WWOX: variants seen among roughly 807,000 people sequenced by gnomAD.
WWOX encodes WW domain-containing oxidoreductase.
WWOX carries 69 observed loss-of-function variants against 46.2 expected under a neutral mutation model. That is an observed-to-expected ratio of 1.49 (90% CI 1.23 to 1.82). The LOEUF (loss-of-function observed/expected upper bound fraction) is 1.82, where lower values mean the gene tolerates loss of function less well. Among genes scored for constraint, WWOX ranks in the 40% most tolerant of loss-of-function variants. The pLI is 0.00. For missense variants in WWOX, 919 were observed against 542.6 expected (o/e 1.69, Z -6.89); for synonymous variants, 359 against 202.6 (o/e 1.77, Z -6.56).
chr16:78,837,847 G>A (rs146523823), intron 8 of WWOX, among the ~76,000 whole-genome samples: 2,722 of 152,230 alleles, frequency 0.018, 47 homozygotes, highest in Non-Finnish European at 0.025. Flanking sequence ...GTCATCCTGT[G>A]TAGAAATATC....
At chr16:78,807,331 G>A (rs1177341016) in intron 8 of WWOX, among the ~76,000 whole-genome samples, 1 of 152,190 alleles carries the variant, frequency 6.6e-6, no homozygotes, top group Non-Finnish European at 1.5e-5. Context: ...AGATGCCAGT[G>A]ACACCCAGTG....
At chr16:78,461,525 A>G (rs1234651427) in intron 8 of WWOX, among the ~76,000 whole-genome samples, 3 of 152,252 alleles carry the variant, frequency 2.0e-5, no homozygotes, top group East Asian at 1.9e-4. Context: ...GGCAAGTCAA[A>G]CAGATCCTTT....
At chr16:79,060,382 G>T (rs901904853) in intron 8 of WWOX, among the ~76,000 whole-genome samples, 1 of 152,230 alleles carries the variant, frequency 6.6e-6, no homozygotes, top group African/African-American at 2.4e-5. Context: ...TAATTGGTAA[G>T]GTTCTTGAAA....
At chr16:78,933,788 G>A (rs12934215) in intron 8 of WWOX, among the ~76,000 whole-genome samples, 121,435 of 152,026 alleles carry the variant, frequency 0.8, 49,385 homozygotes, top group East Asian at 0.98. Flanking sequence ...TCCTGCACCC[G>A]TAATTCAATT....
At chr16:79,035,571 CTCTA>C (rs1346516927) in intron 8 of WWOX, among the ~76,000 whole-genome samples, 1 of 152,130 alleles carries the variant, frequency 6.6e-6, no homozygotes, top group Non-Finnish European at 1.5e-5. Context: ...TGGAGTCTCA[CTCTA>C]TCATCCAGGC....
At chr16:78,778,731 G>C (rs1186427447) in intron 8 of WWOX, among the ~76,000 whole-genome samples, 18 of 152,142 alleles carry the variant, frequency 1.2e-4, no homozygotes, top group Admixed American at 1.1e-3. Context: ...CCTGAAGGAA[G>C]ACTTCTCTTG....
chr16:78,915,355 C>G (rs1490765328), intron 8 of WWOX, among the ~76,000 whole-genome samples: 1 of 152,180 alleles, frequency 6.6e-6, no homozygotes, highest in Non-Finnish European at 1.5e-5. Flanking sequence ...ATTCAAAAGA[C>G]CCCTTTCACG....
chr16:78,968,828 C>T (rs1283757714), intron 8 of WWOX, among the ~76,000 whole-genome samples: 2 of 151,768 alleles, frequency 1.3e-5, no homozygotes, highest in Admixed American at 6.6e-5. Flanking sequence ...GGATTGGATC[C>T]GAGCCATTTG....
intron 8 of WWOX, among the ~76,000 whole-genome samples, chr16:78,824,526 G>A (rs544843826): frequency 6.6e-6 from 1 of 152,134 alleles, no homozygotes; most frequent in Non-Finnish European, 1.5e-5. Context: ...TGCTGATAAA[G>A]ACACACCCGA....
chr16:78,733,638 C>G (rs575519311), intron 8 of WWOX, among the ~76,000 whole-genome samples: 2 of 151,402 alleles, frequency 1.3e-5, no homozygotes, highest in African/African-American at 4.9e-5. Context: ...GCCTGTAGTT[C>G]CAGCTACTCG....
intron 8 of WWOX, among the ~76,000 whole-genome samples, chr16:78,604,540 G>A (rs1169948623): frequency 6.6e-6 from 1 of 152,052 alleles, no homozygotes; most frequent in African/African-American, 2.4e-5. Flanking sequence ...ACAAAATAGT[G>A]AGTTTTTCAT....
intron 4 of WWOX, among the ~76,000 whole-genome samples, chr16:78,149,411 A>G (rs2034321050): frequency 6.6e-6 from 1 of 152,232 alleles, no homozygotes; most frequent in South Asian, 2.1e-4. Context: ...AAATGTTTGT[A>G]AAAGCAAAGG....
chr16:78,807,528 A>T (rs1374946633), intron 8 of WWOX, among the ~76,000 whole-genome samples: 4 of 152,216 alleles, frequency 2.6e-5, no homozygotes, highest in Admixed American at 6.5e-5. Flanking sequence ...TTCTACATGG[A>T]TTCTAATTAA....
chr16:78,162,409 C>T (rs935472325), intron 4 of WWOX, among the ~76,000 whole-genome samples: 3 of 152,006 alleles, frequency 2.0e-5, no homozygotes, highest in Non-Finnish European at 4.4e-5. Flanking sequence ...TATCTACACA[C>T]ACATACACAC....
chr16:78,764,529 C>G (rs1299437363), intron 8 of WWOX, among the ~76,000 whole-genome samples: 3 of 144,260 alleles, frequency 2.1e-5, no homozygotes, highest in African/African-American at 7.7e-5. Context: ...TCTCTGCTTT[C>G]TGCCTCTTGT....
At chr16:78,732,361 C>A (rs912845245) in intron 8 of WWOX, among the ~76,000 whole-genome samples, 1 of 151,990 alleles carries the variant, frequency 6.6e-6, no homozygotes, top group African/African-American at 2.4e-5. Flanking sequence ...GTAGGAAGAC[C>A]GTGAGAGGCC....
chr16:78,190,764 A>G (rs372527509), intron 5 of WWOX, among the ~76,000 whole-genome samples: 21 of 152,162 alleles, frequency 1.4e-4, no homozygotes, highest in African/African-American at 4.3e-4. Flanking sequence ...CAGATAATTA[A>G]TCTTGGAGAT....
At chr16:78,433,594 G>C (rs1425066813) in intron 8 of WWOX, among the ~76,000 whole-genome samples, 1 of 151,954 alleles carries the variant, frequency 6.6e-6, no homozygotes, top group Non-Finnish European at 1.5e-5. Context: ...TTGCCTTTTA[G>C]CGATATCACA....
chr16:79,025,678 T>G (rs111742178), intron 8 of WWOX, among the ~76,000 whole-genome samples: 3 of 152,316 alleles, frequency 2.0e-5, no homozygotes, highest in Non-Finnish European at 2.9e-5. Context: ...TTCTATTGTT[T>G]TAAGCTACCA....
Sources: allele counts gnomAD v4.1 joint callset (sites outside exome capture counted in the v4.1 genomes callset), GRCh38; gene constraint gnomAD v4.1.1; transcripts MANE v1.5; gene names NCBI Gene and HGNC (gene_info 2026-07-23, HGNC 2026-07-21).